The following POU6F2 variants were observed in gnomAD, a reference collection of about 807,000 sequenced individuals.
POU6F2 encodes the protein POU class 6 homeobox 2, also known as POU domain, class 6, transcription factor 2.
A neutral mutation model predicts 71.3 loss-of-function variants in POU6F2; 31 were observed. That is an observed-to-expected ratio of 0.43 (90% CI 0.33 to 0.59). POU6F2 has a LOEUF of 0.59. Among genes scored for constraint, POU6F2 ranks in the 20% least tolerant of loss-of-function variants. The pLI is 0.04. For missense variants in POU6F2, 783 were observed against 856.8 expected (o/e 0.91, Z 1.07); for synonymous variants, 347 against 355.7 (o/e 0.98, Z 0.27).
At chr7:39,403,904 G>A (rs1257577501) in intron 5 of POU6F2, among the ~76,000 whole-genome samples, 1 of 152,198 alleles carries the variant, frequency 6.6e-6, no homozygotes, top group Non-Finnish European at 1.5e-5. Flanking sequence ...CCCACTGTCT[G>A]TGCACACCAC....
chr7:39,295,721 A>G (rs982218925), intron 4 of POU6F2, among the ~76,000 whole-genome samples: 20 of 152,390 alleles, frequency 1.3e-4, no homozygotes, highest in African/African-American at 4.3e-4. Context: ...AGGCAATGCT[A>G]CTTAAAATGA....
chr7:39,328,014 A>G (rs1785552016), intron 4 of POU6F2, among the ~76,000 whole-genome samples: 2 of 152,108 alleles, frequency 1.3e-5, no homozygotes, highest in Admixed American at 6.5e-5. Context: ...TCCGTCTCCC[A>G]GGTTCAAGCA....
intron 4 of POU6F2, among the ~76,000 whole-genome samples, chr7:39,254,216 G>A (rs1783975878): frequency 1.3e-5 from 2 of 152,198 alleles, no homozygotes; most frequent in African/African-American, 4.8e-5. Context: ...GGAAGACTGA[G>A]TAATTTGGAG....
At chr7:39,287,536 A>G (rs1467296625) in intron 4 of POU6F2, among the ~76,000 whole-genome samples, 1 of 152,198 alleles carries the variant, frequency 6.6e-6, no homozygotes. Context: ...AAATGTGTTC[A>G]TGTATGCAGA....
intron 2 of POU6F2, among the ~76,000 whole-genome samples, chr7:39,111,617 TA>T (rs71558155): frequency 0.03 from 4,533 of 152,222 alleles, 94 homozygotes; most frequent in Middle Eastern, 0.078. Flanking sequence ...TAGGTACAGA[TA>T]AAAAATAGAT....
Position 39,339,696 on chromosome 7 carries a change from A to G in POU6F2, c.653A>G (p.Gln218Arg). Residue 218 changes from glutamine to arginine, a missense_variant, in exon 5 of 10, where the codon CAG (glutamine) becomes CGG (arginine). By Grantham distance (43) the Gln-to-Arg change is conservative. This residue lies in a region of POU6F2 where 572 missense variants were observed against 572.9 expected (regional missense o/e 1.00). Transcript: ENST00000518318. ...LQQLQLQLQQ[Q>R]QQQQQQQPPP... ...CAGCTCCAGCTCCAGCTCCAGCAGC[A>G]GCAGCAGCAGCAGCAGCAGCAGCCT... The G allele has an allele frequency of 6.2e-7, 1 of 1,601,312 alleles. No individual in the cohort carries two copies. The highest frequency in any genetic ancestry group is 1.1e-5 in the South Asian group (1 of 90,466).
chr7:39,334,082 A>G (rs2115580612), intron 4 of POU6F2, among the ~76,000 whole-genome samples: 1 of 152,284 alleles, frequency 6.6e-6, no homozygotes, highest in South Asian at 2.1e-4. Context: ...TTTTCATTAG[A>G]AGAATTTATC....
chr7:39,076,131 C>T (rs925496072), intron 1 of POU6F2, among the ~76,000 whole-genome samples: 5 of 152,064 alleles, frequency 3.3e-5, no homozygotes, highest in Non-Finnish European at 4.4e-5. Context: ...CCAAAGCTAA[C>T]CTTTGCTCTG....
rs540515211 is a variant in POU6F2 at position 39,251,935 on chromosome 7, T to C, written c.598+44315T>C. 3.5e-3 allele frequency among the ~76,000 whole-genome samples: 540 copies of C among 152,258 alleles called. 3 individuals are homozygous for C. Among genetic ancestry groups the C allele is most frequent in the African/African-American group, 0.012 (505 of 41,538 alleles). ...AACCAGGGGAGAAAAGTAAAGGGACTCAAAATATATGAAAGGGCTAGTAGC... is the reference window on the plus strand; with the variant it reads ...AACCAGGGGAGAAAAGTAAAGGGACCCAAAATATATGAAAGGGCTAGTAGC... On this transcript the variant is annotated intron_variant, in intron 4 of 9. Transcript: ENST00000518318.
chr7:39,297,268 C>A (rs1457243259), intron 4 of POU6F2, among the ~76,000 whole-genome samples: 1 of 149,452 alleles, frequency 6.7e-6, no homozygotes, highest in African/African-American at 2.5e-5. Context: ...CATTTTTTTC[C>A]TGGACTGAAT....
chr7:39,393,247 A>G (rs1235849549), intron 5 of POU6F2, among the ~76,000 whole-genome samples: 3 of 152,212 alleles, frequency 2.0e-5, no homozygotes, highest in East Asian at 1.9e-4. Flanking sequence ...TTTCCGTTTC[A>G]TGTACTTATC....
At chr7:39,023,444 G>A (rs1424256988) in intron 1 of POU6F2, among the ~76,000 whole-genome samples, 1 of 152,000 alleles carries the variant, frequency 6.6e-6, no homozygotes, top group Non-Finnish European at 1.5e-5. Flanking sequence ...AACGTCTAGA[G>A]ACATTTTTGT....
At chr7:39,455,771 C>T (rs1788786912) in intron 8 of POU6F2, among the ~76,000 whole-genome samples, 1 of 152,136 alleles carries the variant, frequency 6.6e-6, no homozygotes, top group African/African-American at 2.4e-5. Context: ...CTGACTGATG[C>T]ATCCTGAGCA....
intron 2 of POU6F2, among the ~76,000 whole-genome samples, chr7:39,201,173 G>A (rs1793894432): frequency 6.6e-6 from 1 of 152,314 alleles, no homozygotes; most frequent in Middle Eastern, 3.4e-3. Flanking sequence ...TGTGAGAGGG[G>A]TACTGTTGTT....
intron 4 of POU6F2, among the ~76,000 whole-genome samples, chr7:39,228,596 T>G (rs4236356): frequency 0.37 from 56,454 of 152,126 alleles, 10,799 homozygotes; most frequent in East Asian, 0.71. Context: ...GCGGGGTGGT[T>G]AATGATAGCT....
chr7:39,002,437 T>A (rs1788941299), intron 1 of POU6F2, among the ~76,000 whole-genome samples: 1 of 152,198 alleles, frequency 6.6e-6, no homozygotes, highest in South Asian at 2.1e-4. Flanking sequence ...AATCTTTGCC[T>A]CTAGGGTTCA....
chr7:39,079,022 CTG>C (rs1202278728), intron 1 of POU6F2, among the ~76,000 whole-genome samples: 1 of 152,148 alleles, frequency 6.6e-6, no homozygotes, highest in Admixed American at 6.5e-5. Context: ...GTGCTCCAAA[CTG>C]AGAGTGTGGA....
chr7:39,253,624 T>TCACAA (rs1296362856), intron 4 of POU6F2, among the ~76,000 whole-genome samples: 1 of 152,138 alleles, frequency 6.6e-6, no homozygotes. Context: ...GAGAAGCATG[T>TCACAA]AATGTAGGTC....
intron 5 of POU6F2, among the ~76,000 whole-genome samples, chr7:39,394,102 T>G (rs1490856809): frequency 6.6e-6 from 1 of 152,200 alleles, no homozygotes; most frequent in Non-Finnish European, 1.5e-5. Flanking sequence ...GAATCTGAGA[T>G]CTCATAATAA....
Sources: allele counts gnomAD v4.1 joint callset (sites outside exome capture counted in the v4.1 genomes callset), GRCh38; gene constraint gnomAD v4.1.1; regional missense constraint gnomAD v4.1.1; transcripts MANE v1.5; gene names NCBI Gene and HGNC (gene_info 2026-07-23, HGNC 2026-07-21).